GMDS: variants seen among roughly 807,000 people sequenced by gnomAD.
GMDS encodes GDP-mannose 4,6-dehydratase, also known as GDP-mannose 4,6 dehydratase.
A neutral mutation model predicts 49.9 loss-of-function variants in GMDS; 20 were observed. The ratio of observed to expected loss-of-function variants is 0.40; its 90% CI spans 0.28 to 0.58. The LOEUF (loss-of-function observed/expected upper bound fraction) is 0.58, where lower values mean the gene tolerates loss of function less well. GMDS is among the 20% of genes least tolerant of loss of function. The pLI, the probability that GMDS is intolerant of heterozygous loss-of-function variation, is 0.42. For synonymous variants in GMDS, 177 were observed against 178.6 expected, an observed-to-expected ratio of 0.99 and a Z score of 0.07; for missense variants, 362 against 481.4, an observed-to-expected ratio of 0.75 and a Z score of 2.32.
rs144354660 is a variant in GMDS, at chr6:2,145,843, T to C, written c.103-21112A>G. Among the ~76,000 whole-genome samples the C allele has an allele frequency of 5.7e-3, 867 of 152,304 alleles. 2 individuals carry two copies. The highest frequency in any genetic ancestry group is 0.017 in the Middle Eastern group (5 of 294). ...AGAGTTCAGGACCAGCCTGGCTACA[T>C]AGCGACATCTATCTCAAAAATAAAG... On this transcript the variant is annotated intron_variant, in intron 1 of 10. Coordinates refer to ENST00000380815, the MANE Select transcript of GMDS (RefSeq NM_001500.4).
At chr6:1,846,467 T>C (rs1757417719) in intron 7 of GMDS, among the ~76,000 whole-genome samples, 1 of 152,146 alleles carries the variant, frequency 6.6e-6, no homozygotes, top group Non-Finnish European at 1.5e-5. Context: ...ACTACTACAA[T>C]ATTGGGTTAG....
intron 7 of GMDS, among the ~76,000 whole-genome samples, chr6:1,841,878 C>T (rs148332849): frequency 4.6e-5 from 7 of 152,186 alleles, no homozygotes; most frequent in Non-Finnish European, 8.8e-5. Flanking sequence ...CTGGCCAGAA[C>T]GTCCTGCAAT....
chr6:1,695,178 A>C (rs1411076152), intron 9 of GMDS, among the ~76,000 whole-genome samples: 2 of 152,216 alleles, frequency 1.3e-5, no homozygotes, highest in Non-Finnish European at 2.9e-5. Flanking sequence ...CGTCTGCACA[A>C]TATACCACCA....
rs1321408337 is a variant in GMDS at position 1,635,396 on chromosome 6, T to C, written c.988-10856A>G. On this transcript the variant is annotated intron_variant, in intron 9 of 10. Coordinates refer to ENST00000380815, the MANE Select transcript of GMDS (RefSeq NM_001500.4). This position sits in a 1 kb window ranked among gnomAD's most constrained non-coding sequence, Gnocchi z 4.7. Reference sequence around the variant, plus strand: ...CACTGCGCAACCAACATGGCCCACTTTCATCCTCCGGCTGCAGCAGGAGGA... The same window carrying C: ...CACTGCGCAACCAACATGGCCCACTCTCATCCTCCGGCTGCAGCAGGAGGA... Among the ~76,000 whole-genome samples, 1 of 152,196 alleles carries C rather than the reference T, an allele frequency of 6.6e-6. No homozygotes were observed. Among genetic ancestry groups the C allele is most frequent in the East Asian group, 1.9e-4 (1 of 5,180 alleles).
chr6:1,640,381 C>A lies in GMDS; in HGVS notation c.988-15841G>T, dbSNP rs994989908. Reference sequence around the variant, plus strand: ...CTTGGTGTCCTCATCCTCAGGCATGCCACACCTGCAGGTGTGTTATGCACC... The same window carrying A: ...CTTGGTGTCCTCATCCTCAGGCATGACACACCTGCAGGTGTGTTATGCACC... On this transcript the variant is annotated intron_variant, in intron 9 of 10. Coordinates refer to ENST00000380815, the MANE Select transcript of GMDS (RefSeq NM_001500.4). The surrounding 1 kb of genome is among the most constrained non-coding windows in gnomAD (Gnocchi z 4.0). Among the ~76,000 whole-genome samples the A allele has an allele frequency of 6.6e-6, 1 of 152,120 alleles. No individual in the cohort carries two copies. The highest frequency in any genetic ancestry group is 1.5e-5 in the Non-Finnish European group (1 of 68,024).
At chr6:2,039,619 C>T (rs1053557012) in intron 4 of GMDS, among the ~76,000 whole-genome samples, 5 of 151,686 alleles carry the variant, frequency 3.3e-5, no homozygotes, top group African/African-American at 4.8e-5. Context: ...AATGAAGACA[C>T]GAGCACACAC....
intron 6 of GMDS, among the ~76,000 whole-genome samples, chr6:1,936,822 C>G (rs1476166348): frequency 6.6e-6 from 1 of 151,944 alleles, no homozygotes. Context: ...CAAAAATTAG[C>G]CAGGTGTGGT....
At chr6:1,730,696 G>T (rs934900792) in intron 8 of GMDS, among the ~76,000 whole-genome samples, 1 of 152,132 alleles carries the variant, frequency 6.6e-6, no homozygotes, top group African/African-American at 2.4e-5. Context: ...TTCCAATGAG[G>T]ACACTGGGGA....
chr6:1,727,357 C>T (rs1766632500), intron 8 of GMDS, among the ~76,000 whole-genome samples: 1 of 152,216 alleles, frequency 6.6e-6, no homozygotes, highest in South Asian at 2.1e-4. Flanking sequence ...AATCAAGCCA[C>T]TCACTTAATG....
At position 1,999,954 on chromosome 6, in the gene GMDS, G is replaced by GTATATTATATATATTATATATA. The variant is rs1561961538; in HGVS notation, c.346-38989_346-38988insTATATATAATATATATAATATA. Among the ~76,000 whole-genome samples the GTATATTATATATATTATATATA allele has an allele frequency of 8.6e-3, 105 of 12,250 alleles. 5 individuals carry two copies. The highest frequency in any genetic ancestry group is 0.014 in the Non-Finnish European group (78 of 5,760). The allele number at this position is 12,250 out of a possible 152,430, so 8.0% of individuals were successfully genotyped here. A position where few individuals can be genotyped will look rare whatever the true frequency, so the allele number is the denominator to read the frequency against. On this transcript the variant is annotated intron_variant, in intron 4 of 10. Transcript: ENST00000380815. ...TATTATTATATATAATATATAATAT[G>GTATATTATATATATTATATATA]TATATTATATATATATTATATATAT...
intron 4 of GMDS, among the ~76,000 whole-genome samples, chr6:2,098,359 C>A (rs539346604): frequency 7.9e-5 from 12 of 152,116 alleles, no homozygotes; most frequent in Non-Finnish European, 1.3e-4. Flanking sequence ...CGCCCAGCCA[C>A]ATAAATTATT....
At chr6:2,235,843 AAG>A (rs1192668287) in intron 1 of GMDS, among the ~76,000 whole-genome samples, 2 of 151,848 alleles carry the variant, frequency 1.3e-5, no homozygotes, top group Admixed American at 6.6e-5. Context: ...AAAAAAAAAA[AAG>A]AGGAAAACTG....
intron 6 of GMDS, among the ~76,000 whole-genome samples, chr6:1,951,597 A>G (rs1018366669): frequency 6.6e-6 from 1 of 152,076 alleles, no homozygotes; most frequent in Non-Finnish European, 1.5e-5. Flanking sequence ...AGGTTTCACT[A>G]TATTGCTCAG....
intron 7 of GMDS, among the ~76,000 whole-genome samples, chr6:1,765,798 G>T (rs937423958): frequency 7.2e-5 from 11 of 152,156 alleles, no homozygotes; most frequent in African/African-American, 2.7e-4. Context: ...ACTCCCCGAT[G>T]GAGGGTTAGG....
chr6:2,009,502 T>A (rs1217375197), intron 4 of GMDS, among the ~76,000 whole-genome samples: 2 of 152,146 alleles, frequency 1.3e-5, no homozygotes, highest in African/African-American at 4.8e-5. Context: ...AGCTGGGAAC[T>A]TTTCACAATG....
chr6:2,190,515 TCCCA>T (rs1778965407), intron 1 of GMDS, among the ~76,000 whole-genome samples: 1 of 152,188 alleles, frequency 6.6e-6, no homozygotes, highest in Non-Finnish European at 1.5e-5. Context: ...GAACTAGAAT[TCCCA>T]CCCAGTGTTT....
intron 7 of GMDS, among the ~76,000 whole-genome samples, chr6:1,929,191 A>G (rs1762169770): frequency 6.6e-6 from 1 of 152,216 alleles, no homozygotes; most frequent in East Asian, 1.9e-4. Flanking sequence ...TAGGCATTAA[A>G]GTTTCTTTTT....
chr6:1,993,443 A>G (rs1766078252), intron 4 of GMDS, among the ~76,000 whole-genome samples: 1 of 152,190 alleles, frequency 6.6e-6, no homozygotes, highest in Non-Finnish European at 1.5e-5. Flanking sequence ...CCACATGTGT[A>G]TGGACAACAC....
In GMDS at chr6:1,705,369, G is replaced by C. The variant is rs114659911; in HGVS notation, c.987+21047C>G. Among the ~76,000 whole-genome samples the C allele has an allele frequency of 6.6e-3, 1,010 of 152,314 alleles. 9 individuals are homozygous for C. The highest frequency in any genetic ancestry group is 0.023 in the African/African-American group (956 of 41,562). On this transcript the variant is annotated intron_variant, in intron 9 of 10. Coordinates refer to ENST00000380815, the MANE Select transcript of GMDS (RefSeq NM_001500.4). The stretch of plus-strand genomic sequence containing the variant: ...TGCCAGGACAGGCTGAGTTAGGCTT[G>C]TCCTGGTGCTGCCTCTGTCCCCTGC...
Sources: gnomAD v4.1 joint callset for allele counts (sites outside exome capture counted in the v4.1 genomes callset) on GRCh38, gnomAD v4.1.1 for gene constraint, Gnocchi (gnomAD v3.1) non-coding constraint, MANE v1.5 for transcripts, NCBI Gene and HGNC (gene_info 2026-07-23, HGNC 2026-07-21) for gene names.